The following PCNT variants were observed in gnomAD, a reference collection of about 807,000 sequenced individuals.
PCNT encodes the protein kendrin.
A neutral mutation model predicts 380.4 loss-of-function variants in PCNT; 319 were observed. The observed-to-expected ratio is 0.84, with a 90% CI of 0.77 to 0.92. PCNT has a LOEUF of 0.92. PCNT is among the 40% of genes least tolerant of loss of function. The pLI, the probability that PCNT is intolerant of heterozygous loss-of-function variation, is 0.00. For synonymous variants in PCNT, 1,845 were observed against 1,735.2 expected, an observed-to-expected ratio of 1.06 and a Z score of -1.57; for missense variants, 4,400 against 4,255.3, an observed-to-expected ratio of 1.03 and a Z score of -0.95.
intron 15 of PCNT, among the ~76,000 whole-genome samples, chr21:46,369,352 G>C (rs1215824283): frequency 2.0e-5 from 3 of 152,250 alleles, no homozygotes; most frequent in African/African-American, 7.2e-5. Flanking sequence ...GGAATTACAG[G>C]CATGAGCCAC....
intron 27 of PCNT, among the ~76,000 whole-genome samples, chr21:46,409,750 C>T (rs1030549627): frequency 2.0e-5 from 3 of 152,110 alleles, no homozygotes; most frequent in African/African-American, 2.4e-5. Flanking sequence ...CAGGTGCCCA[C>T]GCCCGGCTAA....
intron 11 of PCNT, 53 bp downstream of exon 11, chr21:46,354,121 G>T: frequency 6.9e-7 from 1 of 1,452,830 alleles, no homozygotes; most frequent in Middle Eastern, 1.9e-4. Flanking sequence ...TGACCTTCCA[G>T]CCCTGCGTCT....
At chr21:46,417,405 G>T (rs527719186) in intron 30 of PCNT, among the ~76,000 whole-genome samples, 1 of 152,008 alleles carries the variant, frequency 6.6e-6, no homozygotes, top group South Asian at 2.1e-4. Flanking sequence ...TATTGGTCAG[G>T]CTGGTCTCGA....
chr21:46,397,961 A>G (rs1361232287), intron 22 of PCNT, 53 bp from the exon 23 acceptor site: 23 of 1,426,190 alleles, frequency 1.6e-5, no homozygotes, highest in Non-Finnish European at 2.1e-5. Flanking sequence ...CTTCGCTGCA[A>G]GGGGCACGCC....
Position 46,351,495 on chromosome 21 carries a change from T to C in PCNT, c.1411T>C (p.Trp471Arg). The C allele has an allele frequency of 6.2e-7, 1 of 1,613,240 alleles. No individual in the cohort carries two copies. Among genetic ancestry groups the C allele is most frequent in the Non-Finnish European group, 8.5e-7 (1 of 1,179,150 alleles). Residue 471 changes from tryptophan (W) to arginine (R), a missense_variant, in exon 9 of 47, where the codon TGG (tryptophan) becomes CGG (arginine). Trp to Arg is a moderately radical substitution (Grantham distance 101). Coordinates refer to ENST00000359568, the MANE Select transcript of PCNT (RefSeq NM_006031.6). Reference protein sequence around the residue: ...AQSQEEIRRLWSQLDSARTSR... With the variant: ...AQSQEEIRRLRSQLDSARTSR... ...ATCACAAGAAGAGATCAGGCGCTTG[T>C]GGTCCCAGCTTGATTCTGCCAGGAC... is the stretch of plus-strand genomic sequence containing the variant.
At chr21:46,399,095 A>G (rs370355444) in intron 24 of PCNT, among the ~76,000 whole-genome samples, 3 of 152,138 alleles carry the variant, frequency 2.0e-5, no homozygotes, top group Non-Finnish European at 4.4e-5. Context: ...CTGGGATTAC[A>G]GGCGTGAGCC....
Position 46,339,781 on chromosome 21 carries a change from C to T in PCNT, c.639+5013C>T, listed in dbSNP as rs1045732436. On this transcript the variant is annotated intron_variant, in intron 3 of 46. Transcript: ENST00000359568. ...CACATTCAGGGACAATACTTTGTAT[C>T]CTTCAATCCAATCAAGTTGACAATG... Among the ~76,000 whole-genome samples, 6 of 152,284 alleles carry T rather than the reference C, an allele frequency of 3.9e-5. 1 individual carries two copies. The highest frequency in any genetic ancestry group is 4.1e-4 in the South Asian group (2 of 4,830).
rs181313652 is a variant in PCNT at position 46,350,460 on chromosome 21, A to G, written c.1344+640A>G. On this transcript the variant is annotated intron_variant, in intron 8 of 46. Transcript: ENST00000359568. ...CTGTGTGTATTCAAGATGCTTCTCT[A>G]ATGAAGCACTACAATCAAAATGTTG... Among the ~76,000 whole-genome samples, 471 of 152,276 alleles carry G rather than the reference A, an allele frequency of 3.1e-3. 3 individuals are homozygous for G. The highest frequency in any genetic ancestry group is 0.011 in the African/African-American group (450 of 41,556).
intron 32 of PCNT, among the ~76,000 whole-genome samples, chr21:46,423,322 C>T (rs1370806755): frequency 6.6e-6 from 1 of 151,668 alleles, no homozygotes; most frequent in Non-Finnish European, 1.5e-5. Flanking sequence ...TCCCAAGCAG[C>T]TTGGATTACA....
chr21:46,334,729 C>T lies in PCNT; in HGVS notation c.600C>T (p.Ile200=). ...HTPEQRGIFT[I]SDHPAEQRGM... ...CAGAACAGCGTGGGATCTTCACAAT[C>T]AGTGACCACCCAGCAGAACAGCGTG... is the stretch of plus-strand genomic sequence containing the variant. The change falls in exon 3 of 47, where the codon ATC becomes ATT. Residue 200 remains isoleucine (I), a synonymous_variant. Transcript: ENST00000359568. 6.2e-7 allele frequency: 1 copy of T among 1,613,996 alleles called. No homozygotes were observed. Among genetic ancestry groups the T allele is most frequent in the Non-Finnish European group, 8.5e-7 (1 of 1,179,846 alleles).
chr21:46,332,989 A>G (rs1326512813), intron 2 of PCNT, among the ~76,000 whole-genome samples: 1 of 152,108 alleles, frequency 6.6e-6, no homozygotes, highest in Non-Finnish European at 1.5e-5. Flanking sequence ...GGCGCATGCC[A>G]GTAGTTCCAG....
chr21:46,388,929 C>G lies in PCNT; in HGVS notation c.3607+45C>G. Reference sequence around the variant, plus strand: ...CTGCCCAGCCCTGTGCTTGCAGCCCCTCTGTGGTCCTGGAGCTCTCTGAGA... The same window carrying G: ...CTGCCCAGCCCTGTGCTTGCAGCCCGTCTGTGGTCCTGGAGCTCTCTGAGA... On this transcript the variant is annotated intron_variant, in intron 18 of 46. Coordinates refer to ENST00000359568, the MANE Select transcript of PCNT (RefSeq NM_006031.6). The surrounding 1 kb of genome is among the most constrained non-coding windows in gnomAD (Gnocchi z 4.2). 6.4e-7 allele frequency: 1 copy of G among 1,551,428 alleles called. No individual in the cohort carries two copies. The highest frequency in any genetic ancestry group is 8.7e-7 in the Non-Finnish European group (1 of 1,154,940).
intron 16 of PCNT, among the ~76,000 whole-genome samples, chr21:46,383,849 G>A (rs2085702130): frequency 1.4e-5 from 2 of 145,536 alleles, no homozygotes; most frequent in Non-Finnish European, 3.0e-5. Context: ...CATTCACCAT[G>A]TTGTATATTC....
Position 46,425,806 on chromosome 21 carries a change from CT to C in PCNT, c.7180-23del, listed in dbSNP as rs949074464. ...GCTGTGTGGGGTGGCAGGCAACTCC[CT>C]TCTGACGCGCTTTCCCGCCACAGGC... On this transcript the variant is annotated intron_variant, in intron 32 of 46. Coordinates refer to ENST00000359568, the MANE Select transcript of PCNT (RefSeq NM_006031.6). The surrounding 1 kb of genome is among the most constrained non-coding windows in gnomAD (Gnocchi z 4.2). 2 of 1,612,398 alleles carry C rather than the reference CT, an allele frequency of 1.2e-6. No individual in the cohort carries two copies. Among genetic ancestry groups the C allele is most frequent in the Non-Finnish European group, 1.7e-6 (2 of 1,179,850 alleles).
chr21:46,441,923 G>T (rs1296351881), intron 43 of PCNT, among the ~76,000 whole-genome samples: 1 of 152,150 alleles, frequency 6.6e-6, no homozygotes, highest in African/African-American at 2.4e-5. Context: ...TGTCTGCTAT[G>T]CCTCAAAGGA....
chr21:46,380,969 A>G (rs1185459178), intron 15 of PCNT, among the ~76,000 whole-genome samples: 4 of 152,122 alleles, frequency 2.6e-5, no homozygotes, highest in Non-Finnish European at 5.9e-5. Flanking sequence ...GTTTCAGACT[A>G]GCCTGGCCAA....
chr21:46,334,136 C>T (rs1161660446), intron 2 of PCNT, among the ~76,000 whole-genome samples: 2 of 147,212 alleles, frequency 1.4e-5, no homozygotes, highest in African/African-American at 2.5e-5. Context: ...ACCCAGGAGG[C>T]GGAGATTGCA....
intron 21 of PCNT, among the ~76,000 whole-genome samples, chr21:46,391,968 T>C (rs2147318724): frequency 6.6e-6 from 1 of 152,354 alleles, no homozygotes; most frequent in Admixed American, 6.5e-5. Flanking sequence ...TGCGCTTCTC[T>C]AAAAGTTCCT....
At chr21:46,374,275 C>T (rs966604911) in intron 15 of PCNT, among the ~76,000 whole-genome samples, 3 of 152,122 alleles carry the variant, frequency 2.0e-5, no homozygotes, top group African/African-American at 7.2e-5. Flanking sequence ...CATGTGTCTG[C>T]GAGTGAGGTG....
Sources: gnomAD v4.1 joint callset for allele counts (sites outside exome capture counted in the v4.1 genomes callset) on GRCh38, gnomAD v4.1.1 for gene constraint, Gnocchi (gnomAD v3.1) non-coding constraint, MANE v1.5 for transcripts, NCBI Gene and HGNC (gene_info 2026-07-23, HGNC 2026-07-21) for gene names.